DYSF: variants seen among roughly 807,000 people sequenced by gnomAD.
The protein encoded by DYSF is dystrophy-associated fer-1-like 1.
A neutral mutation model predicts 274.9 loss-of-function variants in DYSF; 212 were observed. The ratio of observed to expected loss-of-function variants is 0.77; its 90% CI spans 0.69 to 0.86. DYSF has a LOEUF of 0.86. DYSF is among the 40% of genes least tolerant of loss of function. DYSF has a pLI of 0.00. For missense variants in DYSF, 2,666 were observed against 2,783.2 expected (o/e 0.96, Z 0.95); for synonymous variants, 1,091 against 1,078.7 (o/e 1.01, Z -0.22).
chr2:71,603,636 C>T (rs187330327), intron 36 of DYSF, among the ~76,000 whole-genome samples: 2 of 152,298 alleles, frequency 1.3e-5, no homozygotes, highest in East Asian at 3.9e-4. Context: ...CTTTTGCTCC[C>T]AGACCGAGGT....
At chr2:71,619,270 A>G (rs2094030722) in intron 40 of DYSF, among the ~76,000 whole-genome samples, 1 of 151,998 alleles carries the variant, frequency 6.6e-6, no homozygotes, top group African/African-American at 2.4e-5. Flanking sequence ...CACCCAGTCT[A>G]TTCCAGGGGT....
chr2:71,619,820 T>C (rs1427487478), intron 40 of DYSF, among the ~76,000 whole-genome samples: 1 of 152,132 alleles, frequency 6.6e-6, no homozygotes, highest in East Asian at 1.9e-4. Context: ...ATCGTAGTGG[T>C]CTCTGAACAA....
At chr2:71,481,294 T>C (rs918670526) in intron 2 of DYSF, among the ~76,000 whole-genome samples, 2 of 152,230 alleles carry the variant, frequency 1.3e-5, no homozygotes, top group African/African-American at 2.4e-5. Context: ...CCCTCCCTGA[T>C]GAGGCAGGTC....
intron 21 of DYSF, among the ~76,000 whole-genome samples, chr2:71,554,676 G>T (rs1437752560): frequency 6.6e-6 from 1 of 152,180 alleles, no homozygotes; most frequent in Admixed American, 6.5e-5. Context: ...GGCTGAGGAA[G>T]GGCTATAAGG....
chr2:71,675,062 ATAT>A (rs1004701406), intron 52 of DYSF, among the ~76,000 whole-genome samples: 2 of 152,154 alleles, frequency 1.3e-5, no homozygotes, highest in Non-Finnish European at 2.9e-5. Context: ...AAAAGGTCAA[ATAT>A]TATATGGCTT....
chr2:71,507,400 C>T (rs756368940), intron 4 of DYSF, among the ~76,000 whole-genome samples: 5 of 152,238 alleles, frequency 3.3e-5, no homozygotes, highest in Admixed American at 2.6e-4. Flanking sequence ...GTCTCATTCC[C>T]CTGATCCTTC....
chr2:71,590,415 C>T, intron 32 of DYSF, 127 bp downstream of exon 32: 1 of 1,004,664 alleles, frequency 1.0e-6, no homozygotes, highest in Non-Finnish European at 1.6e-6. Context: ...TCACCAGGGT[C>T]CTGTGGCTTC....
chr2:71,650,815 AACATC>A (rs1482259955), intron 42 of DYSF, among the ~76,000 whole-genome samples: 1 of 152,226 alleles, frequency 6.6e-6, no homozygotes, highest in Non-Finnish European at 1.5e-5. Context: ...GAAAGCACAG[AACATC>A]TAGGAAACAG....
At chr2:71,566,984 C>T (rs2092147338) in intron 24 of DYSF, among the ~76,000 whole-genome samples, 1 of 152,208 alleles carries the variant, frequency 6.6e-6, no homozygotes, top group Non-Finnish European at 1.5e-5. Flanking sequence ...CTTTCATCTT[C>T]TGAACCCACC....
At chr2:71,610,949 G>T (rs2093744839) in intron 36 of DYSF, 5 of 458,284 alleles carry the variant, frequency 1.1e-5, no homozygotes, top group Non-Finnish European at 1.6e-5. Flanking sequence ...ACCCGGAGCA[G>T]CTCAGGGGGC....
intron 14 of DYSF, among the ~76,000 whole-genome samples, chr2:71,534,291 G>C (rs1025411249): frequency 2.0e-5 from 3 of 152,222 alleles, no homozygotes. Flanking sequence ...ACCAGGATCT[G>C]TGTATCTGAA....
intron 17 of DYSF, among the ~76,000 whole-genome samples, chr2:71,549,764 T>TGCC (rs1316504381): frequency 5.9e-5 from 9 of 151,982 alleles, no homozygotes; most frequent in Non-Finnish European, 8.8e-5. Context: ...CAAGAGGAGT[T>TGCC]AAAAACTCTT....
Position 71,520,762 on chromosome 2 carries a change from A to G in DYSF, c.1034-27A>G, listed in dbSNP as rs114703564. On this transcript the variant is annotated intron_variant, in intron 11 of 55. Coordinates refer to ENST00000410020, the MANE Select transcript of DYSF (RefSeq NM_001130987.2). The stretch of plus-strand genomic sequence containing the variant: ...CAGCCTGGGGTCTTCTGATTCTGGG[A>G]TCACCAGAGGATGTTGTCTCTCTTA... 2.4e-3 allele frequency: 3,843 copies of G among 1,606,660 alleles called. 90 individuals are homozygous for G. The African/African-American group carries it at 0.045, about 19-fold the overall frequency.
At chr2:71,545,431 G>GC (rs1315900842) in intron 17 of DYSF, among the ~76,000 whole-genome samples, 2 of 152,110 alleles carry the variant, frequency 1.3e-5, no homozygotes, top group Admixed American at 1.3e-4. Flanking sequence ...TCCTCTTCCT[G>GC]CCCCAGCCCC....
intron 46 of DYSF, 124 bp downstream of exon 46, chr2:71,664,562 C>T (rs1160109421): frequency 2.5e-6 from 3 of 1,205,314 alleles, no homozygotes; most frequent in African/African-American, 3.0e-5. Context: ...CCTAGGCATT[C>T]TCTCATTGAG....
chr2:71,642,419 T>G (rs2094501716), intron 41 of DYSF, among the ~76,000 whole-genome samples: 1 of 152,224 alleles, frequency 6.6e-6, no homozygotes, highest in East Asian at 1.9e-4. Flanking sequence ...GATATGTATG[T>G]CTGTATATGT....
intron 4 of DYSF, among the ~76,000 whole-genome samples, chr2:71,511,138 C>G (rs2086047342): frequency 6.6e-6 from 1 of 152,204 alleles, no homozygotes; most frequent in Non-Finnish European, 1.5e-5. Flanking sequence ...GGGGTGGGCG[C>G]ATGGGCAACC....
At chr2:71,669,574 A>G (rs2095082856) in intron 50 of DYSF, 31 bp from the exon 51 acceptor site, 6 of 1,613,974 alleles carry the variant, frequency 3.7e-6, no homozygotes, top group East Asian at 2.2e-5. Context: ...AATCTTAATG[A>G]GAACTATTCT....
rs2095359898 is a variant in DYSF, at chr2:71,686,743, T to C, written c.*251T>C. On this transcript the variant is annotated 3_prime_UTR_variant, in exon 56 of 56. Coordinates refer to ENST00000410020, the MANE Select transcript of DYSF (RefSeq NM_001130987.2). The stretch of plus-strand genomic sequence containing the variant: ...TTGGATCAGCTCAGACATATTTCAG[T>C]ATAAAACAGTTGGAACCACACAGCA... The C allele has an allele frequency of 2.1e-6, 1 of 487,078 alleles. No homozygotes were observed. Among genetic ancestry groups the C allele is most frequent in the Admixed American group, 3.1e-5 (1 of 31,878 alleles). 30.2% of individuals were successfully genotyped at this position (487,078 alleles called of 1,614,324 possible). A position where few individuals can be genotyped will look rare whatever the true frequency, so the allele number is the denominator to read the frequency against.
Sources: allele counts gnomAD v4.1 joint callset (sites outside exome capture counted in the v4.1 genomes callset), GRCh38; gene constraint gnomAD v4.1.1; transcripts MANE v1.5; gene names NCBI Gene and HGNC (gene_info 2026-07-23, HGNC 2026-07-21).